Variants in EFCAB13 observed in about 807,000 individuals in gnomAD.
EFCAB13 encodes EF-hand calcium-binding domain-containing protein 13.
Under a neutral mutation model 110.2 loss-of-function variants are expected in EFCAB13, and 91 were observed. The ratio of observed to expected loss-of-function variants is 0.83; its 90% CI spans 0.70 to 0.98. The LOEUF is 0.98. Ranked by LOEUF, EFCAB13 falls within the 50% of genes least tolerant of loss-of-function variation. EFCAB13 has a pLI of 0.00. For missense variants in EFCAB13, 968 were observed against 1,119.4 expected, an observed-to-expected ratio of 0.86 and a Z score of 1.93; for synonymous variants, 323 against 369.9, an observed-to-expected ratio of 0.87 and a Z score of 1.45.
At chr17:47,371,485 C>A (rs1377915275) in intron 11 of EFCAB13, among the ~76,000 whole-genome samples, 1 of 152,098 alleles carries the variant, frequency 6.6e-6, no homozygotes, top group Non-Finnish European at 1.5e-5. Flanking sequence ...AAGAGGGTAT[C>A]CTTTCCTCAG....
At chr17:47,385,198 G>A (rs1193697156) in intron 14 of EFCAB13, among the ~76,000 whole-genome samples, 1 of 152,134 alleles carries the variant, frequency 6.6e-6, no homozygotes, top group African/African-American at 2.4e-5. Context: ...TGTCTTGCTA[G>A]ATTGGGGAAG....
At chr17:47,335,396 T>G in intron 5 of EFCAB13, 40 bp downstream of exon 5, 1 of 1,525,518 alleles carries the variant, frequency 6.6e-7, no homozygotes, top group Non-Finnish European at 8.8e-7. Flanking sequence ...TGAATTATAC[T>G]TTTGCAAGTT....
intron 11 of EFCAB13, among the ~76,000 whole-genome samples, chr17:47,372,683 C>A (rs919599277): frequency 6.6e-6 from 1 of 152,144 alleles, no homozygotes; most frequent in African/African-American, 2.4e-5. Flanking sequence ...ATCTTCATTT[C>A]TGAAGGACAG....
chr17:47,402,051 G>A, intron 17 of EFCAB13, 81 bp from the exon 18 acceptor site: 1 of 1,067,860 alleles, frequency 9.4e-7, no homozygotes. Context: ...GCATCAAATG[G>A]TTTACATTTT....
At chr17:47,328,712 CA>C in intron 4 of EFCAB13, 1 of 216,694 alleles carries the variant, frequency 4.6e-6, no homozygotes. Context: ...AGAGTATAAC[CA>C]AAAAATAATG....
chr17:47,348,501 C>T (rs1161383492), intron 9 of EFCAB13, among the ~76,000 whole-genome samples: 3 of 152,050 alleles, frequency 2.0e-5, no homozygotes, highest in Non-Finnish European at 4.4e-5. Context: ...AACAGTTTTT[C>T]ATTATGTATA....
chr17:47,419,726 G>A (rs72829636), intron 23 of EFCAB13, among the ~76,000 whole-genome samples: 13,398 of 152,192 alleles, frequency 0.088, 849 homozygotes, highest in East Asian at 0.35. Flanking sequence ...CTGGTGAAAT[G>A]CACTGTCTTT....
rs1454981106 is a variant in EFCAB13 at position 47,395,900 on chromosome 17, G to A, written c.1868G>A (p.Trp623Ter). 6.2e-7 allele frequency: 1 copy of A among 1,610,924 alleles called. No homozygotes were observed. Among genetic ancestry groups the A allele is most frequent in the South Asian group, 1.1e-5 (1 of 90,652 alleles). ...GAGACGATGAGTGTTTCTGACCTGT[G>A]GAATACTCTGTCTAGTTTGAATAGT... The part of the protein sequence containing the change: ...RKETMSVSDL[W>*]NTLSSLNSNL... Residue 623 changes from tryptophan to a stop codon, truncating the protein, a stop_gained, in exon 17 of 25, where the codon TGG becomes TAG. Coordinates refer to ENST00000331493, the MANE Select transcript of EFCAB13 (RefSeq NM_152347.5). LOFTEE classifies it high-confidence loss of function.
At chr17:47,402,086 CTT>C in intron 17 of EFCAB13, 44 bp from the exon 18 acceptor site, 3 of 1,529,652 alleles carry the variant, frequency 2.0e-6, no homozygotes, top group Non-Finnish European at 1.8e-6. Context: ...TTGGATCTGA[CTT>C]TTGCGTAATG....
chr17:47,389,880 T>C (rs888284058), intron 14 of EFCAB13, among the ~76,000 whole-genome samples: 14 of 152,190 alleles, frequency 9.2e-5, no homozygotes, highest in Admixed American at 2.0e-4. Context: ...GCTTTTAATT[T>C]TTAAATGGGA....
At chr17:47,389,415 A>C (rs1292218692) in intron 14 of EFCAB13, among the ~76,000 whole-genome samples, 3 of 152,158 alleles carry the variant, frequency 2.0e-5, no homozygotes, top group Admixed American at 6.5e-5. Context: ...CAAACTAAAC[A>C]AGATTCTCAA....
At chr17:47,434,144 A>G (rs1905169010) in intron 24 of EFCAB13, among the ~76,000 whole-genome samples, 1 of 152,118 alleles carries the variant, frequency 6.6e-6, no homozygotes, top group African/African-American at 2.4e-5. Flanking sequence ...ATATGATCAT[A>G]TACCCAGAAA....
chr17:47,366,314 G>GTTT (rs773136385), intron 10 of EFCAB13, among the ~76,000 whole-genome samples: 2 of 144,910 alleles, frequency 1.4e-5, no homozygotes, highest in African/African-American at 5.0e-5. Context: ...TGGTATAGCA[G>GTTT]TTTTTTTTTT....
chr17:47,374,336 AT>A (rs575889939), intron 11 of EFCAB13, 135 bp from the exon 12 acceptor site: 7 of 688,298 alleles, frequency 1.0e-5, no homozygotes, highest in Non-Finnish European at 1.3e-5. Context: ...CAGTTCTTTA[AT>A]TTTTTTGGTT....
intron 14 of EFCAB13, among the ~76,000 whole-genome samples, chr17:47,386,215 A>G (rs1488733528): frequency 2.0e-5 from 3 of 152,194 alleles, no homozygotes; most frequent in Admixed American, 2.0e-4. Flanking sequence ...GCAGGCAGGA[A>G]CGTTTAAAGT....
Position 47,397,954 on chromosome 17 carries a change from C to T in EFCAB13, c.1945+1977C>T, listed in dbSNP as rs567866615. On this transcript the variant is annotated intron_variant, in intron 17 of 24. Transcript: ENST00000331493. ...CCCCCGCTAGGCCAGCCGCCCCGTCCGGGAGGGAGGTGGGGGGGTCAGCCC... is the reference window on the plus strand; with the variant it reads ...CCCCCGCTAGGCCAGCCGCCCCGTCTGGGAGGGAGGTGGGGGGGTCAGCCC... 9.4e-5 allele frequency among the ~76,000 whole-genome samples: 14 copies of T among 149,450 alleles called. No individual in the cohort carries two copies. In the South Asian group the frequency reaches 1.1e-3, roughly 11 times the overall value.
chr17:47,369,303 C>A lies in EFCAB13; in HGVS notation c.806-1134C>A, dbSNP rs1053289645. On this transcript the variant is annotated intron_variant, in intron 10 of 24. Transcript: ENST00000331493. ...ACTTCAGATATCATTTTTATTATTCCCAACTCATTGAAGGTCTTATTTATA... is the reference window on the plus strand; with the variant it reads ...ACTTCAGATATCATTTTTATTATTCACAACTCATTGAAGGTCTTATTTATA... Among the ~76,000 whole-genome samples, 8 of 152,216 alleles carry A rather than the reference C, an allele frequency of 5.3e-5. No individual in the cohort carries two copies. The South Asian group carries it at 1.0e-3, about 20-fold the overall frequency.
intron 9 of EFCAB13, among the ~76,000 whole-genome samples, chr17:47,356,889 G>C (rs1021828106): frequency 4.6e-5 from 7 of 152,184 alleles, no homozygotes; most frequent in African/African-American, 1.4e-4. Context: ...AACTCTGTTT[G>C]GGTGGGCCTT....
At chr17:47,396,026 T>C in intron 17 of EFCAB13, 49 bp downstream of exon 17, 1 of 1,495,350 alleles carries the variant, frequency 6.7e-7, no homozygotes, top group Non-Finnish European at 9.0e-7. Flanking sequence ...GATATTACTT[T>C]ATTTTCTGTC....
Sources: gnomAD v4.1 joint callset for allele counts (sites outside exome capture counted in the v4.1 genomes callset) on GRCh38, gnomAD v4.1.1 for gene constraint, MANE v1.5 for transcripts, NCBI Gene and HGNC (gene_info 2026-07-23, HGNC 2026-07-21) for gene names.